PPM1E: variants seen among roughly 807,000 people sequenced by gnomAD.
The protein encoded by PPM1E is protein phosphatase 1E.
In PPM1E, 20 loss-of-function variants were observed where a neutral mutation model predicts 65.9. The observed-to-expected ratio is 0.30, with a 90% CI of 0.21 to 0.44. The LOEUF is 0.44. Among genes scored for constraint, PPM1E ranks in the 20% least tolerant of loss-of-function variants. PPM1E has a pLI of 1.00. For synonymous variants in PPM1E, 352 were observed against 374.9 expected, an observed-to-expected ratio of 0.94 and a Z score of 0.70; for missense variants, 713 against 953.1, an observed-to-expected ratio of 0.75 and a Z score of 3.32.
At chr17:58,852,787 A>G (rs2050841003) in intron 1 of PPM1E, among the ~76,000 whole-genome samples, 1 of 151,966 alleles carries the variant, frequency 6.6e-6, no homozygotes, top group African/African-American at 2.4e-5. Flanking sequence ...TATTTTTATT[A>G]GAGACGGGGT....
At chr17:58,949,388 T>A (rs2052205359) in intron 1 of PPM1E, among the ~76,000 whole-genome samples, 1 of 152,214 alleles carries the variant, frequency 6.6e-6, no homozygotes. Flanking sequence ...TGTATATCCT[T>A]ATAGATGAGG....
rs144297524 is a variant in PPM1E, at chr17:58,903,231, C to T, written c.465-52418C>T. The stretch of plus-strand genomic sequence containing the variant: ...ATGAGAGTCTCTCTTGATTGTGAAC[C>T]CCCAGTAACTACAGTCCAGCCTCCC... On this transcript the variant is annotated intron_variant, in intron 1 of 6. Transcript: ENST00000308249. Among the ~76,000 whole-genome samples the T allele has an allele frequency of 3.1e-3, 477 of 152,168 alleles. 3 individuals are homozygous for T. Among genetic ancestry groups the T allele is most frequent in the Non-Finnish European group, 2.9e-3 (200 of 68,016 alleles).
At chr17:58,886,334 C>T (rs2051265126) in intron 1 of PPM1E, among the ~76,000 whole-genome samples, 1 of 152,034 alleles carries the variant, frequency 6.6e-6, no homozygotes, top group African/African-American at 2.4e-5. Flanking sequence ...GCTGGCATTC[C>T]CTAGTACACC....
intron 1 of PPM1E, among the ~76,000 whole-genome samples, chr17:58,829,520 G>A (rs779650551): frequency 6.6e-6 from 1 of 151,872 alleles, no homozygotes; most frequent in Non-Finnish European, 1.5e-5. Context: ...TTTTTATAAG[G>A]CTTTCATCTT....
rs2031274378 is a variant in PPM1E, at chr17:58,980,125, G to T, written c.1362G>T (p.Leu454=). 2 of 1,614,028 alleles carry T rather than the reference G, an allele frequency of 1.2e-6. No homozygotes were observed. The highest frequency in any genetic ancestry group is 3.3e-5 in the Admixed American group (2 of 60,004). ...DEAVKVVSDH[L]KENNGDSSMV... ...CAGTGAAAGTTGTGTCCGACCACCTGAAAGAGAATAATGGAGACAGCAGCA... is the reference window on the plus strand; with the variant it reads ...CAGTGAAAGTTGTGTCCGACCACCTTAAAGAGAATAATGGAGACAGCAGCA... The change falls in exon 7 of 7, where the codon CTG becomes CTT. Residue 454 remains leucine, a synonymous_variant. Coordinates refer to ENST00000308249, the MANE Select transcript of PPM1E (RefSeq NM_014906.5). The surrounding 1 kb of genome is among the most constrained non-coding windows in gnomAD (Gnocchi z 4.7).
intron 1 of PPM1E, among the ~76,000 whole-genome samples, chr17:58,888,936 C>T (rs1201447294): frequency 1.3e-5 from 2 of 152,104 alleles, no homozygotes; most frequent in Non-Finnish European, 2.9e-5. Context: ...GGATTTATGG[C>T]ATCATTCTCA....
chr17:58,976,758 G>A (rs1205393885), intron 6 of PPM1E, among the ~76,000 whole-genome samples: 1 of 152,174 alleles, frequency 6.6e-6, no homozygotes, highest in African/African-American at 2.4e-5. Context: ...AACTTTGGCA[G>A]CATTTTCTCT....
At chr17:58,786,076 G>A (rs890399189) in intron 1 of PPM1E, among the ~76,000 whole-genome samples, 4 of 148,904 alleles carry the variant, frequency 2.7e-5, no homozygotes, top group African/African-American at 5.0e-5. Context: ...GTACAGTGGC[G>A]CAATCCCGGC....
intron 1 of PPM1E, among the ~76,000 whole-genome samples, chr17:58,815,338 C>G (rs4793593): frequency 0.34 from 51,574 of 152,054 alleles, 9,497 homozygotes; most frequent in East Asian, 0.51. Context: ...TGATTTGCTA[C>G]TATTTGTAAA....
At chr17:58,894,845 ATCAT>A (rs1228438305) in intron 1 of PPM1E, among the ~76,000 whole-genome samples, 1 of 152,116 alleles carries the variant, frequency 6.6e-6, no homozygotes. Flanking sequence ...TTAGCTCTAG[ATCAT>A]TCATTTCAAC....
intron 1 of PPM1E, among the ~76,000 whole-genome samples, chr17:58,779,799 T>A (rs903885934): frequency 1.3e-5 from 2 of 152,208 alleles, no homozygotes; most frequent in African/African-American, 4.8e-5. Flanking sequence ...ATTCATTCAC[T>A]CTCTATGTCA....
At position 58,841,521 on chromosome 17, in the gene PPM1E, C is replaced by CTT. The variant is rs34826804; in HGVS notation, c.464+85076_464+85077dup. ...AATCTAACCATGAGAAAAACAAATA[C>CTT]TTTTTTTTTTTTTTTTTGAGGCGGA... On this transcript the variant is annotated intron_variant, in intron 1 of 6. Transcript: ENST00000308249. Among the ~76,000 whole-genome samples, 152 of 99,008 alleles carry CTT rather than the reference C, an allele frequency of 1.5e-3. 2 individuals carry two copies. Among genetic ancestry groups the CTT allele is most frequent in the African/African-American group, 4.0e-3 (120 of 29,984 alleles). The allele number at this position is 99,008 out of a possible 152,430, so 65.0% of individuals were successfully genotyped here. A position where few individuals can be genotyped will look rare whatever the true frequency, so the allele number is the denominator to read the frequency against.
intron 1 of PPM1E, among the ~76,000 whole-genome samples, chr17:58,793,574 T>G (rs561673722): frequency 4.0e-5 from 6 of 151,848 alleles, no homozygotes; most frequent in Non-Finnish European, 8.8e-5. Flanking sequence ...GCCAGGATGG[T>G]CTCGATCTCC....
chr17:58,927,992 A>G (rs2051845647), intron 1 of PPM1E, among the ~76,000 whole-genome samples: 1 of 151,934 alleles, frequency 6.6e-6, no homozygotes, highest in Non-Finnish European at 1.5e-5. Flanking sequence ...CCTGGGAGGC[A>G]GAGGTTGCAG....
chr17:58,840,215 G>T (rs1458114604), intron 1 of PPM1E, among the ~76,000 whole-genome samples: 1 of 152,156 alleles, frequency 6.6e-6, no homozygotes, highest in African/African-American at 2.4e-5. Context: ...TGCCAACCAG[G>T]TAAGATCACT....
chr17:58,980,694 G>A lies in PPM1E; in HGVS notation c.1931G>A (p.Ser644Asn), dbSNP rs183396449. The A allele has an allele frequency of 1.2e-6, 2 of 1,614,208 alleles. No individual in the cohort carries two copies. Among genetic ancestry groups the A allele is most frequent in the East Asian group, 2.2e-5 (1 of 44,892 alleles). Residue 644 changes from serine to asparagine, a missense_variant, in exon 7 of 7, where the codon AGC becomes AAC. Physicochemically the swap from Ser to Asn is conservative, Grantham distance 46. Coordinates refer to ENST00000308249, the MANE Select transcript of PPM1E (RefSeq NM_014906.5). This position sits in a 1 kb window ranked among gnomAD's most constrained non-coding sequence, Gnocchi z 4.7. ...STGEQIYRMQSLSPVCSGLEN... is the reference protein window; with the variant it reads ...STGEQIYRMQNLSPVCSGLEN... ...GGGGAGCAGATATACAGAATGCAGA[G>A]CTTGTCTCCTGTCTGTTCAGGGTTG...
intron 1 of PPM1E, among the ~76,000 whole-genome samples, chr17:58,848,220 C>T (rs1400428467): frequency 3.3e-5 from 5 of 152,130 alleles, no homozygotes; most frequent in African/African-American, 1.2e-4. Context: ...CATCTGCAAA[C>T]AGGGACAATT....
intron 1 of PPM1E, among the ~76,000 whole-genome samples, chr17:58,822,178 CAAA>C (rs993272638): frequency 6.6e-6 from 1 of 151,378 alleles, no homozygotes; most frequent in Non-Finnish European, 1.5e-5. Context: ...GTAACAACAG[CAAA>C]AAAAGTGAAA....
intron 1 of PPM1E, among the ~76,000 whole-genome samples, chr17:58,946,605 C>T (rs1361407299): frequency 1.3e-5 from 2 of 152,000 alleles, no homozygotes; most frequent in South Asian, 4.1e-4. Flanking sequence ...ACAGGTGTGC[C>T]CACCATACCC....
Sources: allele counts gnomAD v4.1 joint callset (sites outside exome capture counted in the v4.1 genomes callset), GRCh38; gene constraint gnomAD v4.1.1; non-coding constraint Gnocchi (gnomAD v3.1); transcripts MANE v1.5; gene names NCBI Gene and HGNC (gene_info 2026-07-23, HGNC 2026-07-21).